Variants in C11orf65 observed in about 807,000 individuals in gnomAD.
C11orf65 encodes the protein chromosome 11 open reading frame 65, also known as protein MFI.
In C11orf65, 38 loss-of-function variants were observed where a neutral mutation model predicts 35.3. The ratio of observed to expected loss-of-function variants is 1.08; its 90% CI spans 0.83 to 1.41. The LOEUF is 1.41. C11orf65 is among the 40% of genes most tolerant of loss of function. C11orf65 has a pLI of 0.00. For synonymous variants in C11orf65, 105 were observed against 114.4 expected (o/e 0.92, Z 0.53); for missense variants, 370 against 367.1 (o/e 1.01, Z -0.06).
chr11:108,443,641 A>G (rs1474911839), intron 2 of C11orf65, among the ~76,000 whole-genome samples: 2 of 152,272 alleles, frequency 1.3e-5, no homozygotes, highest in African/African-American at 4.8e-5. Flanking sequence ...AGTGACATCA[A>G]ACTAGAACTC....
chr11:108,347,826 T>C (rs1442955583), intron 2 of C11orf65, among the ~76,000 whole-genome samples: 1 of 152,156 alleles, frequency 6.6e-6, no homozygotes, highest in African/African-American at 2.4e-5. Flanking sequence ...CATTAAACTA[T>C]AGGAAATAAA....
chr11:108,329,526 C>T (rs544058539), downstream of C11orf65, among the ~76,000 whole-genome samples: 193 of 152,164 alleles, frequency 1.3e-3, 4 homozygotes, highest in South Asian at 0.039. Context: ...TTGATTCTCC[C>T]CCTGAGCCCC....
chr11:108,351,610 C>T (rs1165743164), intron 2 of C11orf65, among the ~76,000 whole-genome samples: 1 of 152,160 alleles, frequency 6.6e-6, no homozygotes, highest in Non-Finnish European at 1.5e-5. Context: ...TCTGATGCTT[C>T]AGCACTCCCA....
At chr11:108,420,639 G>C (rs978148433) in intron 3 of C11orf65, among the ~76,000 whole-genome samples, 4 of 152,010 alleles carry the variant, frequency 2.6e-5, no homozygotes, top group Non-Finnish European at 5.9e-5. Context: ...TCTTAAAGAG[G>C]GATCTAACAG....
At chr11:108,358,225 C>T (rs878901896) in intron 2 of C11orf65, among the ~76,000 whole-genome samples, 8,393 of 150,586 alleles carry the variant, frequency 0.056, 753 homozygotes, top group African/African-American at 0.19. Context: ...TGAAATGAAG[C>T]GAGAAGGGAA....
chr11:108,376,481 T>C lies in C11orf65; in HGVS notation c.226+16727A>G, dbSNP rs1427932945. Reference sequence around the variant, plus strand: ...AATCTCTGGGACACATTCAAAGCAGTGTGTAGAGGGAAATTTATAGCACTA... The same window carrying C: ...AATCTCTGGGACACATTCAAAGCAGCGTGTAGAGGGAAATTTATAGCACTA... On this transcript the variant is annotated intron_variant, in intron 2 of 3. Transcript: ENST00000524755. 2.6e-5 allele frequency among the ~76,000 whole-genome samples: 4 copies of C among 152,216 alleles called. No individual in the cohort carries two copies. The East Asian group carries it at 7.7e-4, about 29-fold the overall frequency.
At chr11:108,383,845 T>C (rs559011377) in intron 8 of C11orf65, among the ~76,000 whole-genome samples, 243 of 151,514 alleles carry the variant, frequency 1.6e-3, no homozygotes, top group African/African-American at 5.5e-3. Flanking sequence ...GTAATCTCTT[T>C]TAACTCAGTA....
chr11:108,313,037 C>T lies in C11orf65; in HGVS notation c.641-3966G>A, dbSNP rs556308289. Among the ~76,000 whole-genome samples the T allele has an allele frequency of 3.9e-5, 6 of 152,282 alleles. No homozygotes were observed. In the South Asian group the frequency reaches 1.2e-3, roughly 32 times the overall value. On this transcript the variant is annotated intron_variant, in intron 6 of 6. Transcript: ENST00000525729. ...GCCGCTGCTTTCAGCCTGCCTCCTA[C>T]TTGGAGAAAATAGAAGGCATAGAGA...
chr11:108,331,752 C>G, intron 3 of C11orf65: 1 of 1,294,886 alleles, frequency 7.7e-7, no homozygotes, highest in South Asian at 1.4e-5. Flanking sequence ...CTCACACATG[C>G]AGGCATACAC....
At chr11:108,395,911 G>A (rs1021745659) in intron 6 of C11orf65, among the ~76,000 whole-genome samples, 10 of 151,858 alleles carry the variant, frequency 6.6e-5, no homozygotes, top group Non-Finnish European at 1.5e-4. Flanking sequence ...GTGAGCCACC[G>A]CGCCCAGCCA....
At chr11:108,355,190 G>T in intron 2 of C11orf65, 1 of 316,588 alleles carries the variant, frequency 3.2e-6, no homozygotes, top group Non-Finnish European at 6.0e-6. Flanking sequence ...GTTTCCATTA[G>T]GGTTTAAGAA....
chr11:108,311,431 C>T (rs2084147903), intron 6 of C11orf65, among the ~76,000 whole-genome samples: 1 of 152,258 alleles, frequency 6.6e-6, no homozygotes, highest in East Asian at 1.9e-4. Context: ...CACAGTGGCT[C>T]ACGCATGTAA....
intron 1 of C11orf65, 55 bp from the exon 2 acceptor site, chr11:108,461,623 T>C: frequency 3.5e-6 from 4 of 1,142,958 alleles, no homozygotes; most frequent in Non-Finnish European, 5.0e-6. Context: ...TTTACTTTCA[T>C]TTTTATTTAT....
At chr11:108,427,230 C>G (rs2092915111) in intron 3 of C11orf65, among the ~76,000 whole-genome samples, 1 of 151,772 alleles carries the variant, frequency 6.6e-6, no homozygotes, top group Non-Finnish European at 1.5e-5. Context: ...ACAAAAGAAA[C>G]TATCATCAGA....
intron 2 of C11orf65, among the ~76,000 whole-genome samples, chr11:108,358,461 T>C (rs1404814147): frequency 6.6e-6 from 1 of 150,852 alleles, no homozygotes; most frequent in Non-Finnish European, 1.5e-5. Context: ...AAAGATACTC[T>C]TTGAGAAGAG....
At chr11:108,438,147 T>G (rs1408353324) in intron 2 of C11orf65, among the ~76,000 whole-genome samples, 1 of 152,192 alleles carries the variant, frequency 6.6e-6, no homozygotes, top group African/African-American at 2.4e-5. Context: ...AACCATTCAA[T>G]GAAGAGGACA....
chr11:108,406,972 G>T lies in C11orf65; in HGVS notation c.229-9C>A. 6.3e-7 allele frequency: 1 copy of T among 1,595,616 alleles called. No individual in the cohort carries two copies. The highest frequency in any genetic ancestry group is 1.1e-5 in the South Asian group (1 of 89,810). Reference sequence around the variant, plus strand: ...TCAGGTGGAAATTTAACCTGTAGAAGGAAAAGTTCAAAGAGCCATTGTAAT... The same window carrying T: ...TCAGGTGGAAATTTAACCTGTAGAATGAAAAGTTCAAAGAGCCATTGTAAT... On this transcript the variant is annotated splice_polypyrimidine_tract_variant and intron_variant, in intron 4 of 8. Coordinates refer to ENST00000393084, the MANE Select transcript of C11orf65 (RefSeq NM_152587.5).
In C11orf65 at chr11:108,323,297, A is replaced by G. The variant is rs4988099; in HGVS notation, c.641-14226T>C. On this transcript the variant is annotated intron_variant, in intron 6 of 6. Coordinates refer to the C11orf65 transcript ENST00000525729. Reference sequence around the variant, plus strand: ...ACATTGGCAGTACTTACTGCCAGAAATCAAGAAATTTTTCCTCTGAATGAA... The same window carrying G: ...ACATTGGCAGTACTTACTGCCAGAAGTCAAGAAATTTTTCCTCTGAATGAA... Among the ~76,000 whole-genome samples, 382 of 152,340 alleles carry G rather than the reference A, an allele frequency of 2.5e-3. 9 individuals carry two copies. In the East Asian group the frequency reaches 0.071, roughly 28 times the overall value.
chr11:108,335,763 G>A, intron 2 of C11orf65: 2 of 1,060,044 alleles, frequency 1.9e-6, no homozygotes, highest in South Asian at 2.6e-5. Context: ...TGGTTTGAGT[G>A]CCCTTTGCTA....
Sources: allele counts gnomAD v4.1 joint callset (sites outside exome capture counted in the v4.1 genomes callset), GRCh38; gene constraint gnomAD v4.1.1; transcripts MANE v1.5; gene names NCBI Gene and HGNC (gene_info 2026-07-23, HGNC 2026-07-21).